ALDH8A1: variants seen among roughly 807,000 people sequenced by gnomAD.
ALDH8A1 encodes the protein aldehyde dehydrogenase 8 family member A1, also known as 2-aminomuconic semialdehyde dehydrogenase.
A neutral mutation model predicts 43.3 loss-of-function variants in ALDH8A1; 39 were observed. That is an observed-to-expected ratio of 0.90 (90% CI 0.70 to 1.18). The LOEUF is 1.18. ALDH8A1 is among the 50% of genes most tolerant of loss of function. The pLI is 0.00. For synonymous variants in ALDH8A1, 233 were observed against 243.5 expected (o/e 0.96, Z 0.40); for missense variants, 605 against 622.6 (o/e 0.97, Z 0.30).
intron 1 of ALDH8A1, among the ~76,000 whole-genome samples, chr6:134,947,093 C>T (rs1035601839): frequency 3.9e-5 from 6 of 152,276 alleles, no homozygotes; most frequent in African/African-American, 7.2e-5. Flanking sequence ...ACAGCCAACT[C>T]GTTTTTTACA....
intron 2 of ALDH8A1, 142 bp from the exon 3 acceptor site, chr6:134,942,706 A>C: frequency 1.3e-6 from 1 of 760,164 alleles, no homozygotes; most frequent in South Asian, 2.1e-5. Flanking sequence ...GACCTCACAA[A>C]GACTTGATCA....
At chr6:134,945,359 GA>G (rs1432289121) in intron 1 of ALDH8A1, among the ~76,000 whole-genome samples, 1 of 152,162 alleles carries the variant, frequency 6.6e-6, no homozygotes, top group African/African-American at 2.4e-5. Flanking sequence ...CTGCCCAGTG[GA>G]AGAGGCTTTA....
intron 1 of ALDH8A1, among the ~76,000 whole-genome samples, chr6:134,945,027 T>C (rs1464903271): frequency 6.7e-6 from 1 of 149,240 alleles, no homozygotes; most frequent in African/African-American, 2.4e-5. Flanking sequence ...CTGACATATC[T>C]TATAAAGTCT....
At chr6:134,920,700 A>G (rs1169456997) in intron 6 of ALDH8A1, among the ~76,000 whole-genome samples, 1 of 152,240 alleles carries the variant, frequency 6.6e-6, no homozygotes, top group East Asian at 1.9e-4. Context: ...ACTAGATAAT[A>G]TCTACCCCAG....
At chr6:134,946,762 A>G (rs1361496401) in intron 1 of ALDH8A1, among the ~76,000 whole-genome samples, 1 of 77,620 alleles carries the variant, frequency 1.3e-5, no homozygotes, top group African/African-American at 4.0e-5. Context: ...TGTGCTATGC[A>G]CACAGGTGCG....
rs754390570 is a variant in ALDH8A1, at chr6:134,918,456, CG to C, written c.1422del (p.Tyr474Ter). 6 of 1,614,012 alleles carry C rather than the reference CG, an allele frequency of 3.7e-6. No individual in the cohort carries two copies. Among genetic ancestry groups the C allele is most frequent in the Non-Finnish European group, 5.1e-6 (6 of 1,180,022 alleles). On this transcript the variant is annotated frameshift_variant, in exon 7 of 7. Transcript: ENST00000265605. LOFTEE classifies it high-confidence loss of function. Reference sequence around the variant, plus strand: ...ATGGTTTTGATCTCAGTGAAGAAGTCGTAAGAGTCCTTGGCTCCCTCTCTAC... The same window carrying C: ...ATGGTTTTGATCTCAGTGAAGAAGTCTAAGAGTCCTTGGCTCCCTCTCTAC... ...GIGREGAKDS[Y>X]DFFTEIKTIT...
intron 6 of ALDH8A1, among the ~76,000 whole-genome samples, chr6:134,921,003 G>C (rs1364057044): frequency 6.6e-6 from 1 of 152,060 alleles, no homozygotes; most frequent in Non-Finnish European, 1.5e-5. Flanking sequence ...TAATTCATAG[G>C]GCTCTTGAGA....
intron 1 of ALDH8A1, among the ~76,000 whole-genome samples, chr6:134,948,434 T>G (rs1168333374): frequency 6.6e-6 from 1 of 152,198 alleles, no homozygotes; most frequent in African/African-American, 2.4e-5. Context: ...AGATCCTAAT[T>G]ACCCTGATTT....
At position 134,918,273 on chromosome 6, in the gene ALDH8A1, TAAGA is replaced by T; in HGVS notation, c.*138_*141del. On this transcript the variant is annotated 3_prime_UTR_variant, in exon 7 of 7. Coordinates refer to ENST00000265605, the MANE Select transcript of ALDH8A1 (RefSeq NM_022568.4). Reference sequence around the variant, plus strand: ...TCTCTTCACTAGTGGGTAAAGTTACTAAGAACTGAGGATAAGCTAGAGATAACCT... The same window carrying T: ...TCTCTTCACTAGTGGGTAAAGTTACTACTGAGGATAAGCTAGAGATAACCT... 1 of 762,700 alleles carries T rather than the reference TAAGA, an allele frequency of 1.3e-6. No individual in the cohort carries two copies. Among genetic ancestry groups the T allele is most frequent in the Non-Finnish European group, 2.1e-6 (1 of 475,712 alleles). 47.2% of individuals were successfully genotyped at this position (762,700 alleles called of 1,614,324 possible).
intron 6 of ALDH8A1, among the ~76,000 whole-genome samples, chr6:134,925,872 G>A (rs925218988): frequency 2.0e-5 from 3 of 152,170 alleles, no homozygotes; most frequent in Admixed American, 2.0e-4. Context: ...AGAGCCATGC[G>A]TGCATCTGAA....
At chr6:134,943,023 C>T (rs889601769) in intron 2 of ALDH8A1, among the ~76,000 whole-genome samples, 5 of 152,192 alleles carry the variant, frequency 3.3e-5, no homozygotes, top group South Asian at 2.1e-4. Context: ...ATCAGAAGAG[C>T]GGCTGGGAAT....
chr6:134,941,868 T>C (rs895254512), intron 3 of ALDH8A1, among the ~76,000 whole-genome samples: 4 of 152,042 alleles, frequency 2.6e-5, no homozygotes, highest in South Asian at 2.1e-4. Context: ...AATCCTGGCA[T>C]GTGAATTTAC....
At chr6:134,938,527 C>T (rs1212741775) in intron 4 of ALDH8A1, among the ~76,000 whole-genome samples, 2 of 152,206 alleles carry the variant, frequency 1.3e-5, no homozygotes, top group African/African-American at 4.8e-5. Context: ...TGAAATCGGG[C>T]TACTTCTACT....
intron 1 of ALDH8A1, among the ~76,000 whole-genome samples, chr6:134,945,704 C>T (rs1219734251): frequency 6.6e-6 from 1 of 152,154 alleles, no homozygotes; most frequent in Non-Finnish European, 1.5e-5. Flanking sequence ...CTTCTGGCAG[C>T]CGTGAGCATC....
chr6:134,918,062 T>G lies in ALDH8A1; in HGVS notation c.*353A>C. ...ATAGGCATGAGGCACTGTGCCTGAT[T>G]GCATATTTTTTAAAATTTACCAAAT... On this transcript the variant is annotated 3_prime_UTR_variant, in exon 7 of 7. Transcript: ENST00000265605. 1 of 263,838 alleles carries G rather than the reference T, an allele frequency of 3.8e-6. No individual in the cohort carries two copies. The highest frequency in any genetic ancestry group is 7.2e-6 in the Non-Finnish European group (1 of 138,026). The allele number at this position is 263,838 out of a possible 1,614,324, so 16.3% of individuals were successfully genotyped here.
chr6:134,943,836 G>A lies in ALDH8A1; in HGVS notation c.269C>T (p.Ala90Val), dbSNP rs200458567. 7 of 1,614,176 alleles carry A rather than the reference G, an allele frequency of 4.3e-6. No individual in the cohort carries two copies. The highest frequency in any genetic ancestry group is 5.1e-6 in the Non-Finnish European group (6 of 1,180,022). The change falls in exon 2 of 7, where the codon GCC becomes GTC. Residue 90 changes from alanine to valine, a missense_variant. Ala to Val is a moderately conservative substitution (Grantham distance 64). Transcript: ENST00000265605. ...ACTCTCACCTTGGTCTTTAGACTCG[G>A]CCTGGGCAAACTCCTCCAGGGACTG... The part of the protein sequence containing the change: ...LEQSLEEFAQ[A>V]ESKDQGKTLA...
intron 6 of ALDH8A1, among the ~76,000 whole-genome samples, chr6:134,927,603 C>G (rs1776907410): frequency 6.6e-6 from 1 of 152,038 alleles, no homozygotes; most frequent in South Asian, 2.1e-4. Flanking sequence ...TATTCTCTCA[C>G]TGGGTAACTA....
At chr6:134,932,369 T>G (rs1776999365) in intron 5 of ALDH8A1, among the ~76,000 whole-genome samples, 2 of 152,168 alleles carry the variant, frequency 1.3e-5, no homozygotes, top group South Asian at 4.1e-4. Flanking sequence ...GAACGCATTT[T>G]GAATACTTTT....
At chr6:134,926,253 G>A (rs1335519824) in intron 6 of ALDH8A1, among the ~76,000 whole-genome samples, 1 of 129,072 alleles carries the variant, frequency 7.7e-6, no homozygotes, top group African/African-American at 3.0e-5. Flanking sequence ...CTGTGACCCA[G>A]ACTGGAGGGC....
Sources: gnomAD v4.1 joint callset for allele counts (sites outside exome capture counted in the v4.1 genomes callset) on GRCh38, gnomAD v4.1.1 for gene constraint, MANE v1.5 for transcripts, NCBI Gene and HGNC (gene_info 2026-07-23, HGNC 2026-07-21) for gene names.